The following MAK variants were observed in gnomAD, a reference collection of about 807,000 sequenced individuals.
MAK encodes the protein male germ cell associated kinase, also known as serine/threonine-protein kinase MAK.
Under a neutral mutation model 82.6 loss-of-function variants are expected in MAK, and 65 were observed. The observed-to-expected ratio is 0.79, with a 90% CI of 0.64 to 0.97. The LOEUF is 0.97. MAK is among the 50% of genes least tolerant of loss of function. MAK has a pLI of 0.00. For synonymous variants in MAK, 250 were observed against 274.2 expected, an observed-to-expected ratio of 0.91 and a Z score of 0.87; for missense variants, 703 against 780.2, an observed-to-expected ratio of 0.90 and a Z score of 1.18.
rs79530500 is a variant in MAK, at chr6:10,833,196, A to G, written c.-229-2319T>C. Among the ~76,000 whole-genome samples, 1,480 of 152,304 alleles carry G rather than the reference A, an allele frequency of 9.7e-3. 28 individuals are homozygous for G. The highest frequency in any genetic ancestry group is 0.033 in the African/African-American group (1,375 of 41,576). On this transcript the variant is annotated intron_variant, in intron 1 of 14. Transcript: ENST00000354489. ...ACAGCCTTTCCGGGAAAAGAAACAT[A>G]AACATGAGCAGACATAAACGTGCAG... is the stretch of plus-strand genomic sequence containing the variant.
intron 11 of MAK, 34 bp from the exon 12 acceptor site, chr6:10,775,493 G>C (rs758875039): frequency 1.2e-6 from 2 of 1,606,946 alleles, no homozygotes; most frequent in Non-Finnish European, 1.7e-6. Context: ...TCAAAGGTTA[G>C]AGCAGATCAT....
At chr6:10,788,560 T>C (rs1467027020) in intron 10 of MAK, among the ~76,000 whole-genome samples, 5 of 151,946 alleles carry the variant, frequency 3.3e-5, no homozygotes, top group Non-Finnish European at 5.9e-5. Flanking sequence ...GGTGAAACAC[T>C]GTCTCTATTA....
chr6:10,764,707 T>C, intron 14 of MAK, 101 bp from the exon 15 acceptor site: 1 of 1,179,786 alleles, frequency 8.5e-7, no homozygotes, highest in African/African-American at 1.5e-5. Flanking sequence ...AATCTGAATT[T>C]ATGTTTAAAA....
intron 14 of MAK, among the ~76,000 whole-genome samples, chr6:10,766,357 G>T (rs1402965598): frequency 6.6e-6 from 1 of 152,228 alleles, no homozygotes; most frequent in Admixed American, 6.5e-5. Flanking sequence ...GGTATTAAGT[G>T]TGGACACTCT....
chr6:10,801,408 G>T (rs1776010330), intron 8 of MAK, among the ~76,000 whole-genome samples: 1 of 152,150 alleles, frequency 6.6e-6, no homozygotes, highest in Non-Finnish European at 1.5e-5. Context: ...ACAAAGCCTG[G>T]GTGCCACAAT....
In MAK at chr6:10,773,121, C is replaced by T; in HGVS notation, c.1598-13G>A. 1.4e-6 allele frequency: 2 copies of T among 1,379,598 alleles called. No individual in the cohort carries two copies. The highest frequency in any genetic ancestry group is 2.5e-5 in the East Asian group (1 of 39,738). The allele number at this position is 1,379,598 out of a possible 1,614,324, so 85.5% of individuals were successfully genotyped here. A position where few individuals can be genotyped will look rare whatever the true frequency, so the allele number is the denominator to read the frequency against. On this transcript the variant is annotated splice_polypyrimidine_tract_variant and intron_variant, in intron 12 of 14. Coordinates refer to ENST00000354489, the MANE Select transcript of MAK (RefSeq NM_001242957.3). ...ATTATGCTTTCTTCTAAAGAGAAGA[C>T]AGATGGAAAGAAAGAATAATAGTAA...
intron 2 of MAK, chr6:10,829,142 A>G (rs1778592975): frequency 6.6e-6 from 1 of 152,252 alleles, no homozygotes; most frequent in Non-Finnish European, 1.5e-5. Context: ...CAGCTAAGCT[A>G]CTTCTAAATT....
intron 8 of MAK, chr6:10,797,855 C>T: frequency 7.8e-7 from 1 of 1,285,386 alleles, no homozygotes; most frequent in Non-Finnish European, 1.0e-6. Context: ...GGTCTTTCCA[C>T]TTCCACTAAA....
chr6:10,812,392 A>G (rs1407909310), intron 5 of MAK, among the ~76,000 whole-genome samples: 2 of 152,148 alleles, frequency 1.3e-5, no homozygotes, highest in African/African-American at 4.8e-5. Context: ...TTGGACTAAT[A>G]ATTATTTTGA....
At chr6:10,817,762 A>T in intron 4 of MAK, 88 bp downstream of exon 4, 1 of 1,099,184 alleles carries the variant, frequency 9.1e-7, no homozygotes, top group Non-Finnish European at 1.3e-6. Flanking sequence ...TGGAGCAATC[A>T]ATCTTTCTCT....
At chr6:10,783,849 T>C (rs1214735840) in intron 11 of MAK, among the ~76,000 whole-genome samples, 1 of 151,976 alleles carries the variant, frequency 6.6e-6, no homozygotes, top group African/African-American at 2.4e-5. Flanking sequence ...TGAAACACCA[T>C]CTCTACTAAA....
intron 4 of MAK, 39 bp downstream of exon 4, chr6:10,817,811 T>C: frequency 6.9e-7 from 1 of 1,442,882 alleles, no homozygotes; most frequent in South Asian, 1.2e-5. Context: ...AAAGAACTCA[T>C]GGAGAGAATA....
intron 12 of MAK, 114 bp downstream of exon 12, chr6:10,775,214 T>C (rs1773359384): frequency 1.0e-5 from 13 of 1,302,252 alleles, no homozygotes; most frequent in Non-Finnish European, 1.4e-5. Context: ...GGAAAACCTT[T>C]GTGTATCTCC....
At chr6:10,837,013 G>C (rs1484773718) in intron 1 of MAK, among the ~76,000 whole-genome samples, 1 of 152,138 alleles carries the variant, frequency 6.6e-6, no homozygotes, top group Non-Finnish European at 1.5e-5. Context: ...AACAGCTTTT[G>C]CCAGCTAATA....
intron 6 of MAK, 85 bp from the exon 7 acceptor site, chr6:10,803,976 G>A: frequency 8.5e-7 from 1 of 1,171,810 alleles, no homozygotes; most frequent in Non-Finnish European, 1.3e-6. Flanking sequence ...GTGTGGTCAT[G>A]CATTTCCATC....
intron 11 of MAK, among the ~76,000 whole-genome samples, chr6:10,783,837 G>T (rs182240280): frequency 2.0e-5 from 3 of 152,226 alleles, no homozygotes; most frequent in Admixed American, 1.3e-4. Flanking sequence ...CGGCTAACAC[G>T]GTGAAACACC....
chr6:10,805,221 T>G (rs1228126117), intron 6 of MAK, among the ~76,000 whole-genome samples: 1 of 152,260 alleles, frequency 6.6e-6, no homozygotes, highest in African/African-American at 2.4e-5. Context: ...TCCTTGTTTT[T>G]ATTAATGTTT....
rs1772183118 is a variant in MAK at position 10,764,181 on chromosome 6, T to C, written c.*271A>G. 2.6e-6 allele frequency: 1 copy of C among 382,704 alleles called. No individual in the cohort carries two copies. Among genetic ancestry groups the C allele is most frequent in the Non-Finnish European group, 4.7e-6 (1 of 212,316 alleles). The allele number at this position is 382,704 out of a possible 1,614,324, so 23.7% of individuals were successfully genotyped here. On this transcript the variant is annotated 3_prime_UTR_variant, in exon 15 of 15. Coordinates refer to ENST00000354489, the MANE Select transcript of MAK (RefSeq NM_001242957.3). Reference sequence around the variant, plus strand: ...CTTATTGGATTTACTATTTATTAAATTGTAGATCAAATACTTCATACTTTG... The same window carrying C: ...CTTATTGGATTTACTATTTATTAAACTGTAGATCAAATACTTCATACTTTG...
chr6:10,782,650 C>T (rs546968603), intron 11 of MAK, among the ~76,000 whole-genome samples: 8 of 149,042 alleles, frequency 5.4e-5, no homozygotes, highest in African/African-American at 2.0e-4. Flanking sequence ...GCCATCTCGG[C>T]TCACTGCAAC....
Sources: allele counts gnomAD v4.1 joint callset (sites outside exome capture counted in the v4.1 genomes callset), GRCh38; gene constraint gnomAD v4.1.1; transcripts MANE v1.5; gene names NCBI Gene and HGNC (gene_info 2026-07-23, HGNC 2026-07-21).